WDR18: variants seen among roughly 807,000 people sequenced by gnomAD.
WDR18 encodes the protein WD repeat-containing protein 18.
In WDR18, 33 loss-of-function variants were observed where a neutral mutation model predicts 49.6. The ratio of observed to expected loss-of-function variants is 0.67; its 90% CI spans 0.50 to 0.89. WDR18 has a LOEUF of 0.89. Among genes scored for constraint, WDR18 ranks in the 40% least tolerant of loss-of-function variants. WDR18 has a pLI of 0.00. For synonymous variants in WDR18, 315 were observed against 263.6 expected, an observed-to-expected ratio of 1.19 and a Z score of -1.89; for missense variants, 653 against 593.6, an observed-to-expected ratio of 1.10 and a Z score of -1.04.
chr19:982,942 G>T (rs978819172), upstream of WDR18, among the ~76,000 whole-genome samples: 3 of 152,248 alleles, frequency 2.0e-5, no homozygotes, highest in Non-Finnish European at 2.9e-5. Context: ...TGCCCCGGCC[G>T]TGCCCTCCGC....
intron 2 of WDR18, 45 bp from the exon 3 acceptor site, chr19:989,717 C>G: frequency 6.2e-7 from 1 of 1,608,724 alleles, no homozygotes; most frequent in Non-Finnish European, 8.5e-7. Context: ...CTTTCCTCCC[C>G]TGGGGCTTTC....
Position 984,552 on chromosome 19 carries a change from C to A in WDR18, c.199C>A (p.Leu67Ile). 1.3e-6 allele frequency: 2 copies of A among 1,499,100 alleles called. No homozygotes were observed. Among genetic ancestry groups the A allele is most frequent in the Non-Finnish European group, 1.8e-6 (2 of 1,122,964 alleles). The allele number at this position is 1,499,100 out of a possible 1,614,324, so 92.9% of individuals were successfully genotyped here. A position where few individuals can be genotyped will look rare whatever the true frequency, so the allele number is the denominator to read the frequency against. Residue 67 changes from leucine (L) to isoleucine (I), a missense_variant, in exon 1 of 10, where the codon CTC becomes ATC. Leu to Ile is a conservative substitution (Grantham distance 5). Coordinates refer to ENST00000585809, the MANE Select transcript of WDR18 (RefSeq NM_024100.4). ...CAAGAATTACATCAGCGCCTGGGAG[C>A]TCCAGCGGAAGGTGCGGCGGTGCGG... is the stretch of plus-strand genomic sequence containing the variant. ...LGKNYISAWE[L>I]QRKDQLQQKI...
At chr19:989,634 TGGGGC>T in intron 2 of WDR18, 123 bp from the exon 3 acceptor site, 2 of 1,375,078 alleles carry the variant, frequency 1.5e-6, no homozygotes, top group Non-Finnish European at 2.0e-6. Flanking sequence ...CCCGCAGTCC[TGGGGC>T]AGGGCAGGCA....
At position 991,088 on chromosome 19, in the gene WDR18, A is replaced by G. The variant is rs1438531416; in HGVS notation, c.749A>G (p.Gln250Arg). The G allele has an allele frequency of 2.0e-5, 32 of 1,602,470 alleles. No homozygotes were observed. The highest frequency in any genetic ancestry group is 3.3e-5 in the South Asian group (3 of 89,558). Residue 250 changes from glutamine (Q) to arginine (R), a missense_variant, in exon 6 of 10, where the codon CAG becomes CGG. Physicochemically the swap from Gln to Arg is conservative, Grantham distance 43 (BLOSUM62 1). Transcript: ENST00000585809. Reference sequence around the variant, plus strand: ...ACGTCTCGGCCTTCGCAGCCCGGACAGAGGGAGAGGAGCTTCCACCCAGAG... The same window carrying G: ...ACGTCTCGGCCTTCGCAGCCCGGACGGAGGGAGAGGAGCTTCCACCCAGAG... ...FQVDLFTWPGQRERSFHPEQD... is the reference protein window; with the variant it reads ...FQVDLFTWPGRRERSFHPEQD...
At chr19:986,112 C>T (rs2038472021) in intron 2 of WDR18, 137 bp downstream of exon 2, 2 of 742,070 alleles carry the variant, frequency 2.7e-6, no homozygotes, top group Non-Finnish European at 4.4e-6. Context: ...GCCTAAGCTT[C>T]ACCCTGCTGC....
At chr19:991,815 G>T in intron 7 of WDR18, 140 bp from the exon 8 acceptor site, 1 of 933,160 alleles carries the variant, frequency 1.1e-6, no homozygotes, top group East Asian at 3.7e-5. Context: ...TCGTGGGGCG[G>T]GGCCTGGCTG....
chr19:994,230 G>T lies in WDR18; in HGVS notation c.1185G>T (p.Gln395His), dbSNP rs1243093620. Residue 395 changes from glutamine to histidine, a missense_variant, in exon 10 of 10, where the codon CAG becomes CAT. Coordinates refer to ENST00000585809, the MANE Select transcript of WDR18 (RefSeq NM_024100.4). ...STMEKSVLGG[Q>H]DQLRVRVTEL... ...TCCCGCAGAGCGTGCTCGGCGGCCA[G>T]GACCAGCTGCGCGTCCGTGTGACGG... 1 of 1,605,562 alleles carries T rather than the reference G, an allele frequency of 6.2e-7. No individual in the cohort carries two copies. The highest frequency in any genetic ancestry group is 8.5e-7 in the Non-Finnish European group (1 of 1,177,822).
intron 8 of WDR18, among the ~76,000 whole-genome samples, chr19:993,162 A>C (rs1283185970): frequency 6.6e-6 from 1 of 152,234 alleles, no homozygotes; most frequent in African/African-American, 2.4e-5. Flanking sequence ...GCGTGGGCGC[A>C]AGGAGGGGCG....
At position 989,761 on chromosome 19, in the gene WDR18, G is replaced by A; in HGVS notation, c.322-1G>A. The stretch of plus-strand genomic sequence containing the variant: ...ACCTGGATACCCTCTGCCCCTCACA[G>A]GTCTCCACCGGGAACCTTCTGGTCA... On this transcript the variant is annotated splice_acceptor_variant, in intron 2 of 9. Transcript: ENST00000585809. LOFTEE classifies it high-confidence loss of function. The A allele has an allele frequency of 6.2e-7, 1 of 1,612,624 alleles. No individual in the cohort carries two copies. Among genetic ancestry groups the A allele is most frequent in the Non-Finnish European group, 8.5e-7 (1 of 1,179,866 alleles).
intron 2 of WDR18, among the ~76,000 whole-genome samples, chr19:987,824 C>G (rs2038490098): frequency 1.2e-5 from 1 of 85,778 alleles, no homozygotes; most frequent in Non-Finnish European, 2.1e-5. Context: ...CCCTAGCCGC[C>G]TCCAGTTTTT....
At chr19:986,650 C>T (rs1446999617) in intron 2 of WDR18, among the ~76,000 whole-genome samples, 1 of 152,220 alleles carries the variant, frequency 6.6e-6, no homozygotes, top group East Asian at 1.9e-4. Context: ...CTGCCATGCT[C>T]TCACTGCGAG....
In WDR18 at chr19:994,279, C is replaced by G; in HGVS notation, c.1234C>G (p.Leu412Val). 2 of 1,610,550 alleles carry G rather than the reference C, an allele frequency of 1.2e-6. No homozygotes were observed. The highest frequency in any genetic ancestry group is 1.1e-5 in the South Asian group (1 of 90,784). The change falls in exon 10 of 10, where the codon CTG becomes GTG. Residue 412 changes from leucine to valine, a missense_variant. By Grantham distance (32) the Leu-to-Val change is conservative (BLOSUM62 1). Transcript: ENST00000585809. ...VTELEDEVRN[L>V]RKINRDLFDF... Reference sequence around the variant, plus strand: ...GGAGCTGGAGGACGAGGTGCGCAACCTGCGCAAGATCAATCGGGACCTGTT... The same window carrying G: ...GGAGCTGGAGGACGAGGTGCGCAACGTGCGCAAGATCAATCGGGACCTGTT...
chr19:984,518 G>A lies in WDR18; in HGVS notation c.165G>A (p.Ala55=). ...TCAATGGCGAGTATCTGCTGGCGGC[G>A]CAGCTGGGCAAGAATTACATCAGCG... ...ALLNGEYLLA[A]QLGKNYISAW... is the part of the protein sequence containing the mutation. The change falls in exon 1 of 10, where the codon GCG becomes GCA. Residue 55 remains alanine (A), a synonymous_variant. Coordinates refer to ENST00000585809, the MANE Select transcript of WDR18 (RefSeq NM_024100.4). The A allele has an allele frequency of 3.9e-6, 6 of 1,540,878 alleles. No individual in the cohort carries two copies. Among genetic ancestry groups the A allele is most frequent in the Non-Finnish European group, 4.4e-6 (5 of 1,144,720 alleles).
At position 990,271 on chromosome 19, in the gene WDR18, G is replaced by T. The variant is rs771682931; in HGVS notation, c.504G>T (p.Trp168Cys). 7 of 1,599,452 alleles carry T rather than the reference G, an allele frequency of 4.4e-6. No homozygotes were observed. The highest frequency in any genetic ancestry group is 5.1e-6 in the Non-Finnish European group (6 of 1,179,340). ...GGATTCCGGCGCCCAGGCACGTCTG[G>T]TCTCACCACGCGCTCCCCATCACGG... ...PSRIPAPRHV[W>C]SHHALPITDL... Residue 168 changes from tryptophan (W) to cysteine (C), a missense_variant, in exon 4 of 10, where the codon TGG becomes TGT. Trp to Cys is a radical substitution (Grantham distance 215). Coordinates refer to ENST00000585809, the MANE Select transcript of WDR18 (RefSeq NM_024100.4).
chr19:985,299 G>T (rs1478845747), intron 1 of WDR18, among the ~76,000 whole-genome samples: 1 of 152,156 alleles, frequency 6.6e-6, no homozygotes, highest in East Asian at 1.9e-4. Flanking sequence ...CTGAGTAGCT[G>T]CAACTACAGG....
chr19:989,616 A>AG, intron 2 of WDR18, 146 bp from the exon 3 acceptor site: 2 of 1,210,994 alleles, frequency 1.7e-6, no homozygotes, highest in Middle Eastern at 5.0e-4. Context: ...CTGCCCTGAC[A>AG]GGGTCACCCC....
At chr19:987,829 G>GTTTTTTTTGTT (rs2038490657) in intron 2 of WDR18, among the ~76,000 whole-genome samples, 2 of 91,822 alleles carry the variant, frequency 2.2e-5, no homozygotes, top group African/African-American at 1.1e-4. Flanking sequence ...GCCGCCTCCA[G>GTTTTTTTTGTT]TTTTTTTTTT....
chr19:994,173 C>G, intron 9 of WDR18, 40 bp from the exon 10 acceptor site: 2 of 1,570,462 alleles, frequency 1.3e-6, no homozygotes, highest in Non-Finnish European at 1.7e-6. Context: ...CCAGCACACC[C>G]CAGGCCACTT....
upstream of WDR18, among the ~76,000 whole-genome samples, chr19:982,968 A>G (rs10422046): frequency 0.83 from 126,666 of 152,152 alleles, 53,109 homozygotes; most frequent in Middle Eastern, 0.93. Flanking sequence ...GCCGCGGACC[A>G]GGAGTCGCAC....
Sources: allele counts gnomAD v4.1 joint callset (sites outside exome capture counted in the v4.1 genomes callset), GRCh38; gene constraint gnomAD v4.1.1; transcripts MANE v1.5; gene names NCBI Gene and HGNC (gene_info 2026-07-23, HGNC 2026-07-21).